Variants in DIPK1B observed in about 807,000 individuals in gnomAD.
DIPK1B encodes the protein divergent protein kinase domain 1B.
DIPK1B carries 17 observed loss-of-function variants against 20.7 expected under a neutral mutation model. The ratio of observed to expected loss-of-function variants is 0.82; its 90% CI spans 0.56 to 1.23. The LOEUF is 1.23. DIPK1B is among the 50% of genes most tolerant of loss of function. The pLI is 0.00. For synonymous variants in DIPK1B, 343 were observed against 276.5 expected (o/e 1.24, Z -2.39); for missense variants, 648 against 601.8 (o/e 1.08, Z -0.80).
At chr9:136,717,327 A>G (rs1050200321) in intron 1 of DIPK1B, among the ~76,000 whole-genome samples, 1 of 152,158 alleles carries the variant, frequency 6.6e-6, no homozygotes, top group East Asian at 1.9e-4. Flanking sequence ...AACACTGAAA[A>G]GTCTGGGCAG....
chr9:136,720,935 A>T (rs1246291403), intron 2 of DIPK1B: 1 of 152,206 alleles, frequency 6.6e-6, no homozygotes, highest in Admixed American at 6.5e-5. Context: ...GGCCGGGCCA[A>T]AGAGGGAGGC....
Position 136,724,293 on chromosome 9 carries a change from C to A in DIPK1B, c.*519C>A, listed in dbSNP as rs957193207. 8.5e-5 allele frequency among the ~76,000 whole-genome samples: 13 copies of A among 152,224 alleles called. No individual in the cohort carries two copies. Among genetic ancestry groups the A allele is most frequent in the Admixed American group, 3.3e-4 (5 of 15,274 alleles). ...CTGAAACAGTCAATGACCAGTACCCCCCAAACCTGGGCTGTGCACAACAGA... is the reference window on the plus strand; with the variant it reads ...CTGAAACAGTCAATGACCAGTACCCACCAAACCTGGGCTGTGCACAACAGA... On this transcript the variant is annotated 3_prime_UTR_variant, in exon 5 of 5. Coordinates refer to ENST00000371692, the MANE Select transcript of DIPK1B (RefSeq NM_152421.4).
At position 136,723,475 on chromosome 9, in the gene DIPK1B, C is replaced by T. The variant is rs528228625; in HGVS notation, c.997C>T (p.Arg333Cys). The change falls in exon 5 of 5, where the codon CGC becomes TGC. Residue 333 changes from arginine to cysteine, a missense_variant. Coordinates refer to ENST00000371692, the MANE Select transcript of DIPK1B (RefSeq NM_152421.4). ...CGTGCGCCGCTTCCTGCAGGGCCGCCGCTGCGAGCACAGCACCGACTGCAC... is the reference window on the plus strand; with the variant it reads ...CGTGCGCCGCTTCCTGCAGGGCCGCTGCTGCGAGCACAGCACCGACTGCAC... ...ATVRRFLQGR[R>C]CEHSTDCTYG... is the part of the protein sequence containing the mutation. 10 of 1,610,408 alleles carry T rather than the reference C, an allele frequency of 6.2e-6. No individual in the cohort carries two copies. Among genetic ancestry groups the T allele is most frequent in the African/African-American group, 1.3e-5 (1 of 75,020 alleles).
At chr9:136,716,562 C>G (rs1386540165) in intron 1 of DIPK1B, among the ~76,000 whole-genome samples, 1 of 152,066 alleles carries the variant, frequency 6.6e-6, no homozygotes, top group Non-Finnish European at 1.5e-5. Context: ...CCACCGCACC[C>G]AGCTAATTTT....
At chr9:136,717,177 C>T (rs956312625) in intron 1 of DIPK1B, among the ~76,000 whole-genome samples, 3 of 151,160 alleles carry the variant, frequency 2.0e-5, no homozygotes, top group Non-Finnish European at 2.9e-5. Flanking sequence ...TGCAGTGAGC[C>T]GAGATCGCGC....
intron 2 of DIPK1B, among the ~76,000 whole-genome samples, chr9:136,719,922 TGTGTGGTCTGGGGCTCCGGGTGC>T (rs1240286465): frequency 2.8e-5 from 1 of 35,672 alleles, no homozygotes; most frequent in African/African-American, 5.6e-5. Context: ...TGCAGGGGGC[TGTGTGGTCTGGGGCTCCGGGTGC>T]AGGGGGCTGT....
chr9:136,720,847 G>T (rs1341774892), intron 2 of DIPK1B: 2 of 152,070 alleles, frequency 1.3e-5, no homozygotes, highest in African/African-American at 4.8e-5. Context: ...AGCTCTGGTG[G>T]TGAGCCCTGT....
At chr9:136,717,545 GGCAC>G in intron 1 of DIPK1B, 28 bp from the exon 2 acceptor site, 1 of 1,590,392 alleles carries the variant, frequency 6.3e-7, no homozygotes, top group Non-Finnish European at 8.5e-7. Flanking sequence ...GTGCCCCGAG[GGCAC>G]CTCCTCACGC....
intron 2 of DIPK1B, among the ~76,000 whole-genome samples, chr9:136,718,986 G>C (rs1846546809): frequency 6.6e-6 from 1 of 152,138 alleles, no homozygotes; most frequent in Non-Finnish European, 1.5e-5. Context: ...GCTCACCCTT[G>C]AAGTCCAGGG....
intron 2 of DIPK1B, among the ~76,000 whole-genome samples, chr9:136,719,898 T>A (rs1211699203): frequency 1.4e-5 from 2 of 138,918 alleles, no homozygotes; most frequent in African/African-American, 5.3e-5. Context: ...GGCTGTGTGA[T>A]CTGGGGCTCC....
chr9:136,722,932 C>T (rs754730846), intron 4 of DIPK1B, 30 bp from the exon 5 acceptor site: 3 of 1,571,648 alleles, frequency 1.9e-6, no homozygotes, highest in Non-Finnish European at 2.6e-6. Context: ...AATCAGCTGG[C>T]TTTTCCTTTC....
In DIPK1B at chr9:136,724,571, A is replaced by C. The variant is rs1428472714; in HGVS notation, c.*797A>C. 1 of 152,260 alleles carries C rather than the reference A, an allele frequency of 6.6e-6. No individual in the cohort carries two copies. The highest frequency in any genetic ancestry group is 1.5e-5 in the Non-Finnish European group (1 of 68,052). 9.4% of individuals were successfully genotyped at this position (152,260 alleles called of 1,614,324 possible). ...TTCTTCAGGGCGGGCTCTGCTCCGC[A>C]ATGTGTGAGTCAAGACAATCCATTC... On this transcript the variant is annotated 3_prime_UTR_variant, in exon 5 of 5. Transcript: ENST00000371692.
chr9:136,722,781 T>G, intron 4 of DIPK1B, 181 bp from the exon 5 acceptor site: 21 of 636,304 alleles, frequency 3.3e-5, no homozygotes, highest in Non-Finnish European at 5.2e-5. Flanking sequence ...GCCAGCAGAG[T>G]GAGCTGACAC....
chr9:136,720,902 C>T (rs1352893846), intron 2 of DIPK1B: 2 of 152,280 alleles, frequency 1.3e-5, no homozygotes, highest in Non-Finnish European at 2.9e-5. Flanking sequence ...GCCTGTCCTC[C>T]TGCCTCAGCC....
At chr9:136,721,748 T>C (rs1846604593) in intron 2 of DIPK1B, 173 bp from the exon 3 acceptor site, 2 of 619,776 alleles carry the variant, frequency 3.2e-6, no homozygotes, top group Non-Finnish European at 2.8e-6. Flanking sequence ...GACAGCCCCA[T>C]CCTGCAGCCA....
intron 2 of DIPK1B, among the ~76,000 whole-genome samples, chr9:136,720,715 T>C (rs1040225069): frequency 6.6e-6 from 1 of 152,180 alleles, no homozygotes; most frequent in African/African-American, 2.4e-5. Context: ...TTTCTCAGCC[T>C]TGACAAACAG....
chr9:136,712,596 C>G lies in DIPK1B; in HGVS notation c.-70C>G. 2 of 714,416 alleles carry G rather than the reference C, an allele frequency of 2.8e-6. No individual in the cohort carries two copies. The highest frequency in any genetic ancestry group is 1.3e-4 in the East Asian group (1 of 7,526). The allele number at this position is 714,416 out of a possible 1,614,324, so 44.3% of individuals were successfully genotyped here. A position where few individuals can be genotyped will look rare whatever the true frequency, so the allele number is the denominator to read the frequency against. ...CATGGCGAGGGAGCGGCGGCCGCTGCGGGCCGGGCCGGGCCGGGGCTGAGG... is the reference window on the plus strand; with the variant it reads ...CATGGCGAGGGAGCGGCGGCCGCTGGGGGCCGGGCCGGGCCGGGGCTGAGG... On this transcript the variant is annotated 5_prime_UTR_variant, in exon 1 of 5. Transcript: ENST00000371692. This position sits in a 1 kb window ranked among gnomAD's most constrained non-coding sequence, Gnocchi z 5.6.
chr9:136,713,594 C>T (rs1479609613), intron 1 of DIPK1B, among the ~76,000 whole-genome samples: 1 of 152,228 alleles, frequency 6.6e-6, no homozygotes, highest in Non-Finnish European at 1.5e-5. Flanking sequence ...GGTCCCGGCT[C>T]AGCCTTGGGG....
In DIPK1B at chr9:136,721,989, G is replaced by A. The variant is rs773405555; in HGVS notation, c.267G>A (p.Val89=). The A allele has an allele frequency of 1.9e-5, 30 of 1,613,542 alleles. No individual in the cohort carries two copies. In the Admixed American group the frequency reaches 4.5e-4, roughly 24 times the overall value. Residue 89 remains valine (V), a synonymous_variant, in exon 3 of 5, where the codon GTG becomes GTA. Coordinates refer to ENST00000371692, the MANE Select transcript of DIPK1B (RefSeq NM_152421.4). ...VCQDLCELHM[V]EWRTCLSVAP... The stretch of plus-strand genomic sequence containing the variant: ...AGGACCTGTGTGAGCTGCATATGGT[G>A]GAGTGGAGGACCTGCCTCTCGGTGG...
Sources: gnomAD v4.1 joint callset for allele counts (sites outside exome capture counted in the v4.1 genomes callset) on GRCh38, gnomAD v4.1.1 for gene constraint, Gnocchi (gnomAD v3.1) non-coding constraint, MANE v1.5 for transcripts, NCBI Gene and HGNC (gene_info 2026-07-23, HGNC 2026-07-21) for gene names.